DGAT2L6: variants seen among roughly 807,000 people sequenced by gnomAD.
The protein encoded by DGAT2L6 is diacylglycerol O-acyltransferase 2 like 6, also known as diacylglycerol O-acyltransferase 2-like protein 6.
A neutral mutation model predicts 25.5 loss-of-function variants in DGAT2L6; 22 were observed. That is an observed-to-expected ratio of 0.86 (90% CI 0.62 to 1.23). DGAT2L6 has a LOEUF of 1.23. DGAT2L6 is among the 50% of genes most tolerant of loss of function. The pLI, the probability that DGAT2L6 is intolerant of heterozygous loss-of-function variation, is 0.00. For missense variants in DGAT2L6, 287 were observed against 253.2 expected (o/e 1.13, Z -0.91); for synonymous variants, 100 against 94.7 (o/e 1.06, Z -0.32).
At chrX:70,195,945 C>T (rs2085389638) in intron 1 of DGAT2L6, among the ~76,000 whole-genome samples, 1 of 110,895 alleles carries the variant, frequency 9.0e-6, no homozygotes, top group Non-Finnish European at 1.9e-5. Context: ...TCTTAAGTAT[C>T]CTCACCTCTA....
chrX:70,184,081 T>C (rs927773194), intron 1 of DGAT2L6, among the ~76,000 whole-genome samples: 12 of 111,202 alleles, frequency 1.1e-4, no homozygotes, highest in African/African-American at 3.9e-4. Context: ...TCAGACCAGT[T>C]CTGTCACTTA....
At chrX:70,203,315 T>C (rs1465524113) in intron 5 of DGAT2L6, among the ~76,000 whole-genome samples, 1 of 112,267 alleles carries the variant, frequency 8.9e-6, no homozygotes, top group Non-Finnish European at 1.9e-5. Context: ...CCTAAAACAG[T>C]GCTGGCACAT....
intron 1 of DGAT2L6, among the ~76,000 whole-genome samples, chrX:70,196,486 CAA>C (rs751597708): frequency 1.1e-4 from 3 of 26,098 alleles, no homozygotes; most frequent in African/African-American, 1.4e-4. Flanking sequence ...GATCCTGTCT[CAA>C]AAAAAAAAAA....
At chrX:70,196,195 A>G (rs2085390344) in intron 1 of DGAT2L6, among the ~76,000 whole-genome samples, 1 of 111,007 alleles carries the variant, frequency 9.0e-6, no homozygotes, top group South Asian at 3.8e-4. Context: ...AACACAGGGG[A>G]GGTCAGGGGC....
chrX:70,200,552 C>A, intron 4 of DGAT2L6, 93 bp downstream of exon 4: 1 of 855,457 alleles, frequency 1.2e-6, no homozygotes, highest in Non-Finnish European at 1.6e-6. Flanking sequence ...TTGAAGAGTA[C>A]ATGATAGAAA....
chrX:70,203,754 G>A (rs955534527), intron 5 of DGAT2L6, among the ~76,000 whole-genome samples: 5 of 111,082 alleles, frequency 4.5e-5, no homozygotes, highest in Admixed American at 2.9e-4. Flanking sequence ...GTTGCTTTAA[G>A]GGGATGAGAT....
intron 6 of DGAT2L6, among the ~76,000 whole-genome samples, chrX:70,204,726 G>A (rs73634814): frequency 0.023 from 2,609 of 111,696 alleles, 75 homozygotes; most frequent in African/African-American, 0.08. Flanking sequence ...ATCACCATTC[G>A]CACACATTCT....
rs773714794 is a variant in DGAT2L6, at chrX:70,200,428, C to A, written c.441C>A (p.Ile147=). ...FVGTLERIFW[I]PIVREYVMSM... is the part of the protein sequence containing the mutation. ...GGACCTTAGAAAGGATATTTTGGAT[C>A]CCAATTGTGCGAGAATATGTGATGT... is the stretch of plus-strand genomic sequence containing the variant. The change falls in exon 4 of 7, where the codon ATC becomes ATA. Residue 147 remains isoleucine, a synonymous_variant. Transcript: ENST00000333026. 3.3e-6 allele frequency: 4 copies of A among 1,209,770 alleles called. No individual in the cohort carries two copies. The East Asian group carries it at 1.2e-4, about 36-fold the overall frequency.
intron 1 of DGAT2L6, among the ~76,000 whole-genome samples, chrX:70,182,218 A>T (rs751688849): frequency 2.0e-4 from 22 of 111,071 alleles, no homozygotes; most frequent in Non-Finnish European, 3.8e-4. Flanking sequence ...AAGCAAGAAG[A>T]GAGGAACGAG....
At chrX:70,202,541 G>A (rs1321277066) in intron 5 of DGAT2L6, among the ~76,000 whole-genome samples, 1 of 111,992 alleles carries the variant, frequency 8.9e-6, no homozygotes, top group Non-Finnish European at 1.9e-5. Flanking sequence ...TAGGCATTTA[G>A]GATATAAAAG....
intron 6 of DGAT2L6, 89 bp from the exon 7 acceptor site, chrX:70,204,863 C>T: frequency 9.8e-7 from 1 of 1,022,018 alleles, no homozygotes; most frequent in Non-Finnish European, 1.3e-6. Context: ...AAGCCAGATA[C>T]TGAGTTTCAG....
intron 1 of DGAT2L6, among the ~76,000 whole-genome samples, chrX:70,193,264 C>T (rs2085380687): frequency 1.9e-5 from 2 of 107,470 alleles, no homozygotes; most frequent in Non-Finnish European, 3.8e-5. Flanking sequence ...GCCGAGATCG[C>T]GCCATTGCAC....
intron 1 of DGAT2L6, among the ~76,000 whole-genome samples, chrX:70,180,431 G>T (rs2085339887): frequency 9.1e-6 from 1 of 110,288 alleles, no homozygotes; most frequent in African/African-American, 3.3e-5. Flanking sequence ...CCTGGTGACA[G>T]AGCAAGACTC....
intron 1 of DGAT2L6, among the ~76,000 whole-genome samples, chrX:70,183,305 C>T (rs1312878098): frequency 1.8e-5 from 2 of 112,146 alleles, no homozygotes; most frequent in East Asian, 5.6e-4. Flanking sequence ...TGTACTCTCC[C>T]ACTCCTTCAC....
At chrX:70,177,717 G>A in intron 1 of DGAT2L6, 50 bp downstream of exon 1, 2 of 1,056,190 alleles carry the variant, frequency 1.9e-6, no homozygotes, top group Non-Finnish European at 2.6e-6. Flanking sequence ...AACCAAAAGA[G>A]TGGCCAATCT....
intron 1 of DGAT2L6, among the ~76,000 whole-genome samples, chrX:70,182,513 T>C (rs1255515903): frequency 1.1e-5 from 1 of 87,016 alleles, no homozygotes; most frequent in Non-Finnish European, 2.2e-5. Flanking sequence ...GGAGTCTTAC[T>C]CTGTTGCCCA....
chrX:70,182,304 GA>G (rs754879940), intron 1 of DGAT2L6, among the ~76,000 whole-genome samples: 1 of 109,497 alleles, frequency 9.1e-6, no homozygotes, highest in African/African-American at 3.3e-5. Flanking sequence ...CAGCCCCTCT[GA>G]GAGCCAGCTT....
intron 1 of DGAT2L6, among the ~76,000 whole-genome samples, chrX:70,194,429 A>G (rs1313731940): frequency 1.8e-5 from 2 of 112,174 alleles, no homozygotes; most frequent in Non-Finnish European, 1.9e-5. Flanking sequence ...GACCCTGAAT[A>G]GCCAAAGTAA....
chrX:70,186,254 G>A (rs2085359469), intron 1 of DGAT2L6, among the ~76,000 whole-genome samples: 1 of 112,221 alleles, frequency 8.9e-6, no homozygotes, highest in Non-Finnish European at 1.9e-5. Context: ...CTGATAGGGA[G>A]AGAGACAGAC....
Sources: gnomAD v4.1 joint callset for allele counts (sites outside exome capture counted in the v4.1 genomes callset) on GRCh38, gnomAD v4.1.1 for gene constraint, MANE v1.5 for transcripts, NCBI Gene and HGNC (gene_info 2026-07-23, HGNC 2026-07-21) for gene names.